The following RASSF4 variants were observed in gnomAD, a reference collection of about 807,000 sequenced individuals.
The protein encoded by RASSF4 is ras association domain-containing protein 4.
RASSF4 carries 38 observed loss-of-function variants against 41.1 expected under a neutral mutation model. The ratio of observed to expected loss-of-function variants is 0.92; its 90% CI spans 0.71 to 1.21. The LOEUF (loss-of-function observed/expected upper bound fraction) is 1.21. Ranked by LOEUF, RASSF4 falls within the 50% of genes most tolerant of loss-of-function variation. RASSF4 has a pLI of 0.00. For synonymous variants in RASSF4, 179 were observed against 163.4 expected, an observed-to-expected ratio of 1.10 and a Z score of -0.73; for missense variants, 414 against 419.4, an observed-to-expected ratio of 0.99 and a Z score of 0.11.
intron 3 of RASSF4, chr10:44,977,844 G>A (rs1259188497): frequency 3.1e-6 from 5 of 1,607,580 alleles, no homozygotes; most frequent in African/African-American, 1.3e-5. Context: ...GGTGGCCTGG[G>A]TTGGCCCTGG....
At position 44,995,846 on chromosome 10, in the gene RASSF4, G is replaced by A. The variant is rs950705219; in HGVS notation, c.*2517G>A. ...AGGGTATTTCTCATATGCCCCATTG[G>A]CTACCTAGTGTCTCAGGTAATAAAC... On this transcript the variant is annotated 3_prime_UTR_variant, in exon 11 of 11. Transcript: ENST00000340258. The A allele has an allele frequency of 3.3e-5, 5 of 152,084 alleles. No homozygotes were observed. The highest frequency in any genetic ancestry group is 7.3e-5 in the Non-Finnish European group (5 of 68,040). The allele number at this position is 152,084 out of a possible 1,614,324, so 9.4% of individuals were successfully genotyped here.
rs966666819 is a variant in RASSF4, at chr10:44,978,148, T to A, written c.139-4373T>A. On this transcript the variant is annotated intron_variant, in intron 3 of 10. Transcript: ENST00000340258. ...ACTCCTCTGGGGCTGCCTGTAGGAA[T>A]CCGGTGCCCTGAGAGCAATTTGAAG... 4.5e-5 allele frequency: 55 copies of A among 1,216,436 alleles called. No homozygotes were observed. The African/African-American group carries it at 7.9e-4, about 17-fold the overall frequency. The allele number at this position is 1,216,436 out of a possible 1,614,324, so 75.4% of individuals were successfully genotyped here.
chr10:44,986,114 T>G (rs2132798056), intron 6 of RASSF4, among the ~76,000 whole-genome samples: 1 of 152,332 alleles, frequency 6.6e-6, no homozygotes, highest in East Asian at 1.9e-4. Flanking sequence ...GTGTAAGGAA[T>G]TATTCAAAAA....
chr10:44,985,872 A>G (rs962541667), intron 6 of RASSF4, among the ~76,000 whole-genome samples: 3 of 152,198 alleles, frequency 2.0e-5, no homozygotes, highest in African/African-American at 4.8e-5. Context: ...ATGAATGACA[A>G]TAGGGTTGCC....
intron 3 of RASSF4, among the ~76,000 whole-genome samples, chr10:44,979,010 T>G (rs2132786559): frequency 1.3e-5 from 2 of 151,894 alleles, no homozygotes; most frequent in Middle Eastern, 6.8e-3. Flanking sequence ...AGGAAAGGGG[T>G]GGGTTCACTG....
At chr10:44,964,572 C>G (rs545810873) in intron 1 of RASSF4, among the ~76,000 whole-genome samples, 1 of 152,184 alleles carries the variant, frequency 6.6e-6, no homozygotes, top group African/African-American at 2.4e-5. Context: ...CATGCAGCCT[C>G]GCTTTAATCC....
At chr10:44,964,975 C>T (rs982709584) in intron 1 of RASSF4, among the ~76,000 whole-genome samples, 1 of 152,250 alleles carries the variant, frequency 6.6e-6, no homozygotes, top group Admixed American at 6.5e-5. Flanking sequence ...TCAGGAAAAA[C>T]AGGTCTTCTT....
chr10:44,961,572 G>A (rs538968924), intron 1 of RASSF4, among the ~76,000 whole-genome samples: 2 of 152,298 alleles, frequency 1.3e-5, no homozygotes, highest in East Asian at 3.9e-4. Context: ...CCATCTCTGG[G>A]GCTCCACAGT....
At chr10:44,971,037 G>A (rs1478691983) in intron 2 of RASSF4, 2 of 173,172 alleles carry the variant, frequency 1.2e-5, no homozygotes, top group African/African-American at 2.4e-5. Context: ...TGAGATTTGG[G>A]TGGGGACACA....
intron 1 of RASSF4, among the ~76,000 whole-genome samples, chr10:44,963,370 C>G (rs1044107457): frequency 6.6e-6 from 1 of 152,202 alleles, no homozygotes; most frequent in Non-Finnish European, 1.5e-5. Flanking sequence ...GGTACCCCCT[C>G]AGAGGCACCT....
chr10:44,987,146 CCAGGCTGGAGTG>C (rs1841948385), intron 6 of RASSF4, among the ~76,000 whole-genome samples: 1 of 152,180 alleles, frequency 6.6e-6, no homozygotes, highest in South Asian at 2.1e-4. Flanking sequence ...CACTCTGTAG[CCAGGCTGGAGTG>C]CAGTGGCACG....
At chr10:44,977,760 C>T in intron 3 of RASSF4, 1 of 1,601,076 alleles carries the variant, frequency 6.2e-7, no homozygotes, top group Non-Finnish European at 8.5e-7. Flanking sequence ...GGCTGCTGGC[C>T]ACTGAAACGT....
At chr10:44,962,533 G>A (rs1286316667) in intron 1 of RASSF4, among the ~76,000 whole-genome samples, 2 of 152,174 alleles carry the variant, frequency 1.3e-5, no homozygotes, top group Non-Finnish European at 1.5e-5. Flanking sequence ...CACAGGCCTG[G>A]GGCAGTGGAC....
At chr10:44,985,339 G>T (rs747351590) in intron 6 of RASSF4, among the ~76,000 whole-genome samples, 1 of 152,234 alleles carries the variant, frequency 6.6e-6, no homozygotes, top group Admixed American at 6.5e-5. Flanking sequence ...TTAAGCAGGG[G>T]TGTGCCCAGG....
chr10:44,972,229 C>T (rs925251074), intron 3 of RASSF4, among the ~76,000 whole-genome samples: 2 of 152,170 alleles, frequency 1.3e-5, no homozygotes, highest in African/African-American at 4.8e-5. Context: ...TCTCTGTTCC[C>T]TGCTGGTCCC....
intron 9 of RASSF4, chr10:44,991,474 G>A (rs1170537461): frequency 5.1e-6 from 1 of 197,608 alleles, no homozygotes; most frequent in African/African-American, 2.3e-5. Context: ...ACCAGACAGT[G>A]AGTGCATTTC....
intron 3 of RASSF4, among the ~76,000 whole-genome samples, chr10:44,973,471 C>G (rs577467027): frequency 6.6e-6 from 1 of 152,326 alleles, no homozygotes; most frequent in African/African-American, 2.4e-5. Flanking sequence ...TCAGCTCTGG[C>G]TGTTCAGGGA....
chr10:44,974,658 C>T (rs562378637), intron 3 of RASSF4, among the ~76,000 whole-genome samples: 6 of 152,254 alleles, frequency 3.9e-5, no homozygotes, highest in African/African-American at 1.4e-4. Context: ...ACCCGCAGCA[C>T]CGGCAGCCTT....
intron 3 of RASSF4, 34 bp downstream of exon 3, chr10:44,971,882 T>C (rs2132771056): frequency 6.5e-7 from 1 of 1,531,338 alleles, no homozygotes; most frequent in Non-Finnish European, 9.0e-7. Context: ...GGGGTCACCA[T>C]GTACCCTGGG....
Sources: gnomAD v4.1 joint callset for allele counts (sites outside exome capture counted in the v4.1 genomes callset) on GRCh38, gnomAD v4.1.1 for gene constraint, MANE v1.5 for transcripts, NCBI Gene and HGNC (gene_info 2026-07-23, HGNC 2026-07-21) for gene names.